DUSP10: variants seen among roughly 807,000 people sequenced by gnomAD.
The protein encoded by DUSP10 is dual specificity protein phosphatase 10.
In DUSP10, 14 loss-of-function variants were observed where a neutral mutation model predicts 30.8. The observed-to-expected ratio is 0.46, with a 90% confidence interval of 0.30 to 0.71. The LOEUF (loss-of-function observed/expected upper bound fraction) is 0.71. Ranked by LOEUF, DUSP10 falls within the 30% of genes least tolerant of loss-of-function variation. The probability of loss-of-function intolerance (pLI) is 0.08; values close to 1 mark genes in which losing one functional copy is unlikely to be tolerated. For synonymous variants in DUSP10, 254 were observed against 250.4 expected (o/e 1.01, Z -0.14); for missense variants, 550 against 619.4 (o/e 0.89, Z 1.19).
At chr1:221,730,288 T>A (rs1661546047) in intron 2 of DUSP10, among the ~76,000 whole-genome samples, 1 of 152,178 alleles carries the variant, frequency 6.6e-6, no homozygotes, top group Non-Finnish European at 1.5e-5. Context: ...GGACACAAAA[T>A]AAGATCAGTC....
intron 2 of DUSP10, among the ~76,000 whole-genome samples, chr1:221,719,172 G>A (rs1173202089): frequency 1.3e-5 from 2 of 152,194 alleles, no homozygotes; most frequent in Non-Finnish European, 2.9e-5. Context: ...GTAGGGGAAA[G>A]GATCAAATGT....
rs367746036 is a variant in DUSP10 at position 221,739,535 on chromosome 1, C to T, written c.210G>A (p.Ser70=). 20 of 1,614,030 alleles carry T rather than the reference C, an allele frequency of 1.2e-5. No individual in the cohort carries two copies. The highest frequency in any genetic ancestry group is 6.7e-5 in the African/African-American group (5 of 74,890). ...TGGCACTGCTGCATCCACAATTCAG[C>T]GAGCGGGCAGAGCCGCTGGATGAGG... ...YMPSSSGSAR[S]LNCGCSSASC... is the part of the protein sequence containing the mutation. The change falls in exon 2 of 4, where the codon TCG becomes TCA. Residue 70 remains serine (S), a synonymous_variant. Transcript: ENST00000366899.
At chr1:221,707,732 C>T (rs1210012046) in intron 2 of DUSP10, among the ~76,000 whole-genome samples, 1 of 152,052 alleles carries the variant, frequency 6.6e-6, no homozygotes, top group African/African-American at 2.4e-5. Flanking sequence ...ACATTCATTC[C>T]ACGGAGTATT....
rs1661880946 is a variant in DUSP10, at chr1:221,739,383, T to C, written c.362A>G (p.Asn121Ser). The C allele has an allele frequency of 1.2e-6, 2 of 1,614,048 alleles. No individual in the cohort carries two copies. The highest frequency in any genetic ancestry group is 2.7e-5 in the African/African-American group (2 of 74,922). ...TCPANQMVNN[N>S]ENTGSLSPSS... is the part of the protein sequence containing the mutation. ...TGGACTTAGAGAGCCTGTATTCTCA[T>C]TATTGTTGACCATCTGGTTAGCAGG... Residue 121 changes from asparagine to serine, a missense_variant, in exon 2 of 4, where the codon AAT (asparagine) becomes AGT (serine). Physicochemically the swap from Asn to Ser is conservative, Grantham distance 46. Transcript: ENST00000366899.
At chr1:221,710,946 C>T (rs796991272) in intron 2 of DUSP10, among the ~76,000 whole-genome samples, 10 of 151,070 alleles carry the variant, frequency 6.6e-5, no homozygotes, top group African/African-American at 2.2e-4. Context: ...TGAGGCAAGG[C>T]GGGGTGGGGG....
intron 2 of DUSP10, among the ~76,000 whole-genome samples, chr1:221,719,943 G>A (rs771208564): frequency 2.6e-5 from 4 of 152,102 alleles, no homozygotes; most frequent in Non-Finnish European, 5.9e-5. Context: ...GATATGGTAC[G>A]ATATGACATG....
At chr1:221,732,533 T>C (rs1446743506) in intron 2 of DUSP10, among the ~76,000 whole-genome samples, 1 of 152,230 alleles carries the variant, frequency 6.6e-6, no homozygotes, top group Non-Finnish European at 1.5e-5. Flanking sequence ...TTTTATGCTA[T>C]ATATTAGATT....
chr1:221,735,737 C>G (rs779695428), intron 2 of DUSP10, among the ~76,000 whole-genome samples: 2 of 152,078 alleles, frequency 1.3e-5, no homozygotes, highest in Non-Finnish European at 2.9e-5. Flanking sequence ...TTCTTCCTAC[C>G]TAAGTAAATG....
chr1:221,732,225 A>T (rs1045124812), intron 2 of DUSP10, among the ~76,000 whole-genome samples: 1 of 152,232 alleles, frequency 6.6e-6, no homozygotes. Flanking sequence ...ACAAGTTTGT[A>T]CAGCTGTGGA....
At chr1:221,707,348 T>A (rs1660798257) in intron 2 of DUSP10, among the ~76,000 whole-genome samples, 1 of 152,316 alleles carries the variant, frequency 6.6e-6, no homozygotes, top group African/African-American at 2.4e-5. Flanking sequence ...AACCCTGACT[T>A]TCAGTAGAAC....
chr1:221,709,626 T>C (rs752313039), intron 2 of DUSP10, among the ~76,000 whole-genome samples: 2 of 152,200 alleles, frequency 1.3e-5, no homozygotes, highest in Non-Finnish European at 1.5e-5. Context: ...CACAGCTCTG[T>C]ACTGCAGTTA....
chr1:221,727,769 G>T (rs1558124072), intron 2 of DUSP10, among the ~76,000 whole-genome samples: 1 of 152,112 alleles, frequency 6.6e-6, no homozygotes, highest in East Asian at 1.9e-4. Flanking sequence ...AATAAAAAAT[G>T]CTCAGATTTT....
intron 2 of DUSP10, among the ~76,000 whole-genome samples, chr1:221,712,339 AG>A (rs919107306): frequency 4.6e-5 from 7 of 152,172 alleles, no homozygotes; most frequent in Admixed American, 4.6e-4. Flanking sequence ...ACTAGGTATA[AG>A]GTATGAAACA....
Position 221,702,406 on chromosome 1 carries a change from C to T in DUSP10, c.*6G>A. The stretch of plus-strand genomic sequence containing the variant: ...AGAGCAGCAATCCTTTCCATCCAGA[C>T]CATTGTCACACAACCGTCTCCACGC... On this transcript the variant is annotated 3_prime_UTR_variant, in exon 4 of 4. Coordinates refer to ENST00000366899, the MANE Select transcript of DUSP10 (RefSeq NM_007207.6). The surrounding 1 kb of genome is among the most constrained non-coding windows in gnomAD (Gnocchi z 4.5). The T allele has an allele frequency of 6.2e-7, 1 of 1,613,516 alleles. No homozygotes were observed. The highest frequency in any genetic ancestry group is 2.2e-5 in the East Asian group (1 of 44,870).
intron 2 of DUSP10, among the ~76,000 whole-genome samples, chr1:221,724,053 C>T (rs1454091142): frequency 1.3e-5 from 2 of 152,222 alleles, no homozygotes; most frequent in Non-Finnish European, 2.9e-5. Flanking sequence ...AACAAAGACA[C>T]TCCTAACACT....
At chr1:221,716,709 C>G (rs1447403328) in intron 2 of DUSP10, among the ~76,000 whole-genome samples, 1 of 152,158 alleles carries the variant, frequency 6.6e-6, no homozygotes. Context: ...GGTCAGGGGC[C>G]GACAGAAAGA....
intron 3 of DUSP10, among the ~76,000 whole-genome samples, chr1:221,704,166 A>T (rs184411581): frequency 3.3e-4 from 51 of 152,368 alleles, no homozygotes; most frequent in Non-Finnish European, 4.4e-5. Context: ...TATTATGTTT[A>T]TAAAACCTGC....
intron 2 of DUSP10, among the ~76,000 whole-genome samples, chr1:221,735,842 A>C (rs1226361592): frequency 1.3e-5 from 2 of 152,200 alleles, no homozygotes; most frequent in Non-Finnish European, 1.5e-5. Flanking sequence ...GATGGTCTAG[A>C]ATTGTTCAAC....
intron 2 of DUSP10, among the ~76,000 whole-genome samples, chr1:221,735,206 C>T (rs773712212): frequency 4.6e-5 from 7 of 152,204 alleles, no homozygotes; most frequent in Non-Finnish European, 8.8e-5. Context: ...ACAGAGCAGT[C>T]CTATAAAGAT....
Sources: allele counts gnomAD v4.1 joint callset (sites outside exome capture counted in the v4.1 genomes callset), GRCh38; gene constraint gnomAD v4.1.1; non-coding constraint Gnocchi (gnomAD v3.1); transcripts MANE v1.5; gene names NCBI Gene and HGNC (gene_info 2026-07-23, HGNC 2026-07-21).